Variants in LONP2 observed in about 807,000 individuals in gnomAD.
LONP2 encodes lon peptidase 2, peroxisomal, also known as lon protease homolog 2, peroxisomal.
LONP2 carries 60 observed loss-of-function variants against 85.6 expected under a neutral mutation model. That is an observed-to-expected ratio of 0.70 (90% CI 0.57 to 0.87). The LOEUF (loss-of-function observed/expected upper bound fraction) is 0.87, where lower values mean the gene tolerates loss of function less well. LONP2 is among the 40% of genes least tolerant of loss of function. LONP2 has a pLI of 0.00. For missense variants in LONP2, 860 were observed against 1,063.5 expected (o/e 0.81, Z 2.66); for synonymous variants, 395 against 389.7 (o/e 1.01, Z -0.16).
intron 10 of LONP2, among the ~76,000 whole-genome samples, chr16:48,302,244 A>G (rs1375970197): frequency 6.6e-6 from 1 of 152,224 alleles, no homozygotes; most frequent in Non-Finnish European, 1.5e-5. Flanking sequence ...TATTGAAATT[A>G]TACGTAGTTG....
chr16:48,347,366 G>A (rs1042787176), intron 12 of LONP2, 141 bp from the exon 13 acceptor site: 4 of 732,400 alleles, frequency 5.5e-6, no homozygotes, highest in African/African-American at 3.5e-5. Flanking sequence ...TGAATGTGAC[G>A]CAGAATCATG....
chr16:48,249,915 G>A (rs111563854), intron 1 of LONP2, among the ~76,000 whole-genome samples: 1,865 of 152,162 alleles, frequency 0.012, 40 homozygotes, highest in African/African-American at 0.042. Flanking sequence ...CTTTTGGCCA[G>A]GTGTGGTGGC....
At chr16:48,327,632 G>A (rs532014875) in intron 11 of LONP2, among the ~76,000 whole-genome samples, 2 of 151,968 alleles carry the variant, frequency 1.3e-5, no homozygotes, top group African/African-American at 4.8e-5. Context: ...TAATTTTTGT[G>A]TTTTCATTAG....
At chr16:48,293,531 T>C (rs1025272010) in intron 8 of LONP2, among the ~76,000 whole-genome samples, 2 of 151,966 alleles carry the variant, frequency 1.3e-5, no homozygotes, top group Non-Finnish European at 2.9e-5. Flanking sequence ...GGAGACTACG[T>C]ATAAGAAACA....
intron 6 of LONP2, among the ~76,000 whole-genome samples, chr16:48,266,013 T>C (rs1971981137): frequency 1.3e-5 from 2 of 152,164 alleles, no homozygotes; most frequent in Admixed American, 1.3e-4. Context: ...TTTATTTATT[T>C]ATTTTTTTGA....
rs765507467 is a variant in LONP2 at position 48,258,633 on chromosome 16, A to G, written c.616A>G (p.Ser206Gly). The G allele has an allele frequency of 6.9e-6, 11 of 1,597,624 alleles. No individual in the cohort carries two copies. In the Admixed American group the frequency reaches 1.9e-4, roughly 28 times the overall value. The stretch of plus-strand genomic sequence containing the variant: ...ATTTCCTTAGATTTTAGATGCTGTG[A>G]GCCTAGAGGAGCGGTTCAAGATGAC... ...KEKLQILDAV[S>G]LEERFKMTIP... Residue 206 changes from serine to glycine, a missense_variant, in exon 4 of 15, where the codon AGC becomes GGC. Transcript: ENST00000285737.
intron 12 of LONP2, chr16:48,334,706 A>T: frequency 1.8e-6 from 1 of 557,444 alleles, no homozygotes; most frequent in Non-Finnish European, 3.5e-6. Flanking sequence ...GCCATCCTTC[A>T]GCTGTTTGCC....
chr16:48,310,060 T>TAA (rs546827476), intron 11 of LONP2, among the ~76,000 whole-genome samples: 4 of 144,818 alleles, frequency 2.8e-5, no homozygotes, highest in Non-Finnish European at 1.5e-5. Flanking sequence ...TACTGGCCTT[T>TAA]AAAAAAAAAA....
At chr16:48,310,541 G>A (rs1020827713) in intron 11 of LONP2, among the ~76,000 whole-genome samples, 63 of 151,940 alleles carry the variant, frequency 4.1e-4, no homozygotes, top group Admixed American at 2.2e-3. Context: ...TAGTACAGAC[G>A]GGATTTTGTC....
chr16:48,256,591 CTT>C lies in LONP2; in HGVS notation c.469-13_469-12del, dbSNP rs759469371. On this transcript the variant is annotated splice_polypyrimidine_tract_variant and intron_variant, in intron 2 of 14. Transcript: ENST00000285737. ...ATAATGCCAGATTTCATTTAAAAGA[CTT>C]TTTTTCCCCCTTCTAGTTGGTTGAA... The C allele has an allele frequency of 6.2e-7, 1 of 1,605,146 alleles. No homozygotes were observed. The highest frequency in any genetic ancestry group is 8.5e-7 in the Non-Finnish European group (1 of 1,177,408).
chr16:48,296,303 A>C, intron 9 of LONP2, 138 bp downstream of exon 9: 1 of 956,218 alleles, frequency 1.0e-6, no homozygotes, highest in South Asian at 1.8e-5. Context: ...AATGTATATA[A>C]ATCAGTTTCT....
At chr16:48,258,307 A>G (rs1056509326) in intron 3 of LONP2, among the ~76,000 whole-genome samples, 14 of 151,214 alleles carry the variant, frequency 9.3e-5, no homozygotes, top group African/African-American at 3.2e-4. Context: ...AGATCTCGCC[A>G]CTGCACTCCA....
chr16:48,351,501 C>A, intron 14 of LONP2, 80 bp from the exon 15 acceptor site: 1 of 1,082,446 alleles, frequency 9.2e-7, no homozygotes, highest in Non-Finnish European at 1.3e-6. Flanking sequence ...TGGTTAAATT[C>A]AGTGAAAGAA....
rs767778141 is a variant in LONP2 at position 48,261,438 on chromosome 16, C to T, written c.738C>T (p.Arg246=). 4 of 1,599,774 alleles carry T rather than the reference C, an allele frequency of 2.5e-6. No individual in the cohort carries two copies. The Admixed American group carries it at 5.2e-5, about 21-fold the overall frequency. Residue 246 remains arginine, a synonymous_variant, in exon 5 of 15, where the codon CGC becomes CGT. Transcript: ENST00000285737. The stretch of plus-strand genomic sequence containing the variant: ...TTCTATGTTAGGTTATAGCAATACG[C>T]CCTATTAGGAGAATTACACATATCT... ...QDDDKRVIAI[R]PIRRITHISG...
At chr16:48,289,356 G>GGAAAGGCA (rs1005986478) in intron 8 of LONP2, among the ~76,000 whole-genome samples, 5 of 152,174 alleles carry the variant, frequency 3.3e-5, no homozygotes, top group African/African-American at 1.2e-4. Context: ...GGTTTGGTCT[G>GGAAAGGCA]GAAAGGCAGG....
intron 1 of LONP2, among the ~76,000 whole-genome samples, chr16:48,251,150 T>A (rs1971636867): frequency 6.6e-6 from 1 of 152,240 alleles, no homozygotes; most frequent in Admixed American, 6.5e-5. Flanking sequence ...CATAGTCACA[T>A]ACTGTATTAC....
chr16:48,352,042 G>A lies in LONP2; in HGVS notation c.*240G>A, dbSNP rs1424903833. ...GTGGGATCCTTACTGTCCCTGGAAAGATATAGCATAGTGGTTCTCAGCACA... is the reference window on the plus strand; with the variant it reads ...GTGGGATCCTTACTGTCCCTGGAAAAATATAGCATAGTGGTTCTCAGCACA... On this transcript the variant is annotated 3_prime_UTR_variant, in exon 15 of 15. Coordinates refer to ENST00000285737, the MANE Select transcript of LONP2 (RefSeq NM_031490.5). 3.8e-6 allele frequency: 2 copies of A among 528,656 alleles called. No individual in the cohort carries two copies. The highest frequency in any genetic ancestry group is 3.3e-5 in the East Asian group (1 of 30,540). 32.7% of individuals were successfully genotyped at this position (528,656 alleles called of 1,614,324 possible).
chr16:48,357,516 C>G (rs545717316), downstream of LONP2, among the ~76,000 whole-genome samples: 1 of 152,294 alleles, frequency 6.6e-6, no homozygotes, highest in East Asian at 1.9e-4. Flanking sequence ...CACAGTCCTG[C>G]GTGGTAGTTC....
rs552055937 is a variant in LONP2 at position 48,301,543 on chromosome 16, G to A, written c.1662-1629G>A. ...CCAGCTACTCGGGAGGCTGAGGCAG[G>A]GGAATTGCTTGAACCAGGGAGGTGG... On this transcript the variant is annotated intron_variant, in intron 10 of 14. Transcript: ENST00000285737. Among the ~76,000 whole-genome samples the A allele has an allele frequency of 1.4e-4, 22 of 151,978 alleles. No homozygotes were observed. The East Asian group carries it at 4.1e-3, about 28-fold the overall frequency.
Sources: gnomAD v4.1 joint callset for allele counts (sites outside exome capture counted in the v4.1 genomes callset) on GRCh38, gnomAD v4.1.1 for gene constraint, MANE v1.5 for transcripts, NCBI Gene and HGNC (gene_info 2026-07-23, HGNC 2026-07-21) for gene names.